The following RFPL4AL1 variants were observed in gnomAD, a reference collection of about 807,000 sequenced individuals.
RFPL4AL1 encodes the protein ret finger protein-like 4A-like protein 1.
RFPL4AL1 carries 2 observed loss-of-function variants against 8.2 expected under a neutral mutation model. The ratio of observed to expected loss-of-function variants is 0.24; its 90% CI spans 0.10 to 0.77. RFPL4AL1 has a LOEUF of 0.77. Among genes scored for constraint, RFPL4AL1 ranks in the 30% least tolerant of loss-of-function variants. RFPL4AL1 has a pLI of 0.72. For missense variants in RFPL4AL1, 57 were observed against 350.3 expected (o/e 0.16, Z 6.68); for synonymous variants, 25 against 131.8 (o/e 0.19, Z 5.55).
Position 55,771,665 on chromosome 19 carries a change from C to G in RFPL4AL1, c.-9-131C>G, listed in dbSNP as rs559910679. 617 of 1,096,188 alleles carry G rather than the reference C, an allele frequency of 5.6e-4. 2 individuals carry two copies. The South Asian group carries it at 8.3e-3, about 15-fold the overall frequency. The allele number at this position is 1,096,188 out of a possible 1,614,324, so 67.9% of individuals were successfully genotyped here. Reference sequence around the variant, plus strand: ...ATTTGTATTCATGTTGTGTCTTCATCACTAGCAGTAGTGATTTAAAGTATG... The same window carrying G: ...ATTTGTATTCATGTTGTGTCTTCATGACTAGCAGTAGTGATTTAAAGTATG... On this transcript the variant is annotated intron_variant, in intron 1 of 2. Coordinates refer to ENST00000341750, the MANE Select transcript of RFPL4AL1 (RefSeq NM_001277397.2).
chr19:55,770,604 G>C (rs1200337923), intron 1 of RFPL4AL1, among the ~76,000 whole-genome samples: 3 of 151,842 alleles, frequency 2.0e-5, no homozygotes, highest in Non-Finnish European at 4.4e-5. Context: ...GCATGCTGGG[G>C]TCAGCCGTGA....
intron 2 of RFPL4AL1, among the ~76,000 whole-genome samples, chr19:55,772,344 A>C (rs1446832568): frequency 7.7e-6 from 1 of 130,290 alleles, no homozygotes; most frequent in African/African-American, 2.6e-5. Flanking sequence ...AATTTTCATC[A>C]AATTATCCAC....
chr19:55,770,172 G>C (rs547356174), intron 1 of RFPL4AL1, among the ~76,000 whole-genome samples: 1 of 151,978 alleles, frequency 6.6e-6, no homozygotes, highest in African/African-American at 2.4e-5. Flanking sequence ...CGTGCACAAG[G>C]GTTCCCCTTT....
chr19:55,769,959 G>A (rs1308148795), intron 1 of RFPL4AL1, among the ~76,000 whole-genome samples: 2 of 151,928 alleles, frequency 1.3e-5, no homozygotes, highest in African/African-American at 2.4e-5. Flanking sequence ...TCTCACAGAC[G>A]CTGGGGTTGT....
rs1156283876 is a variant in RFPL4AL1, at chr19:55,773,059, GC to G, written c.747del (p.Trp250GlyfsTer18). 7.8e-7 allele frequency: 1 copy of G among 1,286,374 alleles called. No individual in the cohort carries two copies. Among genetic ancestry groups the G allele is most frequent in the African/African-American group, 1.6e-5 (1 of 62,110 alleles). The allele number at this position is 1,286,374 out of a possible 1,614,324, so 79.7% of individuals were successfully genotyped here. A position where few individuals can be genotyped will look rare whatever the true frequency, so the allele number is the denominator to read the frequency against. On this transcript the variant is annotated frameshift_variant, in exon 3 of 3. Transcript: ENST00000341750. LOFTEE classifies it low-confidence loss of function (END_TRUNC). Reference sequence around the variant, plus strand: ...CATTCATCGAGATTCCTGTTTGCGAGCCCTGGCGTCCATTTTTTGCTCATAA... The same window carrying G: ...CATTCATCGAGATTCCTGTTTGCGAGCCTGGCGTCCATTTTTTGCTCATAA... ...NTFIEIPVCE[P>X]WRPFFAHKRG...
chr19:55,769,990 A>G (rs1251699246), intron 1 of RFPL4AL1, among the ~76,000 whole-genome samples: 1 of 151,982 alleles, frequency 6.6e-6, no homozygotes, highest in Non-Finnish European at 1.5e-5. Flanking sequence ...GTTGTGAATA[A>G]TGCTGCAGAG....
At chr19:55,769,926 C>T (rs1379914338) in intron 1 of RFPL4AL1, among the ~76,000 whole-genome samples, 2 of 151,870 alleles carry the variant, frequency 1.3e-5, no homozygotes, top group Admixed American at 6.6e-5. Flanking sequence ...ATGTATATAT[C>T]ACCATTTCCT....
Position 55,772,842 on chromosome 19 carries a change from G to T in RFPL4AL1, c.527G>T (p.Gly176Val), listed in dbSNP as rs1428311320. 1 of 1,550,642 alleles carries T rather than the reference G, an allele frequency of 6.4e-7. No homozygotes were observed. Among genetic ancestry groups the T allele is most frequent in the Admixed American group, 2.0e-5 (1 of 50,864 alleles). ...GVCKESVNRQ[G>V]KIELSSEHGF... ...TGCAAGGAATCTGTCAACCGACAGGGGAAGATTGAGCTTTCTTCAGAACAC... is the reference window on the plus strand; with the variant it reads ...TGCAAGGAATCTGTCAACCGACAGGTGAAGATTGAGCTTTCTTCAGAACAC... Residue 176 changes from glycine to valine, a missense_variant, in exon 3 of 3, where the codon GGG becomes GTG. Physicochemically the swap from Gly to Val is moderately radical, Grantham distance 109. Transcript: ENST00000341750.
chr19:55,772,182 A>G, intron 2 of RFPL4AL1, 92 bp downstream of exon 2: 1 of 1,283,602 alleles, frequency 7.8e-7, no homozygotes, highest in Non-Finnish European at 1.1e-6. Flanking sequence ...CATTAGCAGG[A>G]TATCTAGCAT....
Position 55,769,128 on chromosome 19 carries a change from T to C in RFPL4AL1, c.-57T>C, listed in dbSNP as rs1431170696. On this transcript the variant is annotated 5_prime_UTR_variant, in exon 1 of 3. Transcript: ENST00000341750. ...GGCAGCTCTCACTCCAGATCTGAGC[T>C]GTCCGCAGAAGCAGCTGGAGGCCAG... is the stretch of plus-strand genomic sequence containing the variant. 1 of 154,056 alleles carries C rather than the reference T, an allele frequency of 6.5e-6. No homozygotes were observed. The highest frequency in any genetic ancestry group is 2.4e-5 in the African/African-American group (1 of 41,582). 9.5% of individuals were successfully genotyped at this position (154,056 alleles called of 1,614,324 possible).
intron 1 of RFPL4AL1, 108 bp from the exon 2 acceptor site, chr19:55,771,688 A>G (rs201873504): frequency 0.011 from 11,443 of 1,055,532 alleles, 1,215 homozygotes; most frequent in Admixed American, 0.026. Context: ...GATTTAAAGT[A>G]TGGTGCCATG....
chr19:55,772,829 G>T lies in RFPL4AL1; in HGVS notation c.514G>T (p.Val172Phe), dbSNP rs756963237. ...GGATGTGGGCGTGTGCAAGGAATCT[G>T]TCAACCGACAGGGGAAGATTGAGCT... ...VWDVGVCKES[V>F]NRQGKIELSS... The change falls in exon 3 of 3, where the codon GTC becomes TTC. Residue 172 changes from valine to phenylalanine, a missense_variant. Val to Phe is a conservative substitution (Grantham distance 50). Coordinates refer to ENST00000341750, the MANE Select transcript of RFPL4AL1 (RefSeq NM_001277397.2). 9.3e-5 allele frequency: 144 copies of T among 1,549,062 alleles called. No homozygotes were observed. Among genetic ancestry groups the T allele is most frequent in the Non-Finnish European group, 1.2e-4 (136 of 1,145,554 alleles).
intron 1 of RFPL4AL1, among the ~76,000 whole-genome samples, chr19:55,770,781 G>A (rs1422089859): frequency 2.0e-5 from 3 of 151,886 alleles, no homozygotes; most frequent in Admixed American, 1.3e-4. Flanking sequence ...CACTGTTTTG[G>A]TCTCATGTGA....
chr19:55,772,890 G>A lies in RFPL4AL1; in HGVS notation c.575G>A (p.Arg192Lys), dbSNP rs747177088. The A allele has an allele frequency of 5.2e-6, 8 of 1,549,990 alleles. No homozygotes were observed. Among genetic ancestry groups the A allele is most frequent in the Non-Finnish European group, 7.0e-6 (8 of 1,146,494 alleles). ...CACGGCTTCTTGACTGTGGGTTGCA[G>A]AGAAGGAAAGGTCTTTGCTGCCAGC... ...SEHGFLTVGC[R>K]EGKVFAASTV... The change falls in exon 3 of 3, where the codon AGA becomes AAA. Residue 192 changes from arginine (R) to lysine (K), a missense_variant. By Grantham distance (26) the Arg-to-Lys change is conservative. Coordinates refer to ENST00000341750, the MANE Select transcript of RFPL4AL1 (RefSeq NM_001277397.2).
Position 55,770,354 on chromosome 19 carries a change from C to G in RFPL4AL1, c.-10+1179C>G, listed in dbSNP as rs1215974210. Among the ~76,000 whole-genome samples, 4 of 151,868 alleles carry G rather than the reference C, an allele frequency of 2.6e-5. 1 individual carries two copies. The highest frequency in any genetic ancestry group is 2.1e-4 in the South Asian group (1 of 4,828). On this transcript the variant is annotated intron_variant, in intron 1 of 2. Transcript: ENST00000341750. ...CAGGTTCTGGATGCTGTCGGGAGAA[C>G]GAATTCAGGGATGAGCCAGAATGAA...
Position 55,770,694 on chromosome 19 carries a change from C to T in RFPL4AL1, c.-9-1102C>T, listed in dbSNP as rs145434562. ...TGCTTTGAAACAGCTTAACTCCCTC[C>T]GGTTTTTTAGCACCTCATGAGCCCA... On this transcript the variant is annotated intron_variant, in intron 1 of 2. Transcript: ENST00000341750. Among the ~76,000 whole-genome samples the T allele has an allele frequency of 6.8e-3, 1,028 of 150,620 alleles. No homozygotes were observed. The East Asian group carries it at 0.11, about 17-fold the overall frequency.
chr19:55,771,139 G>T (rs1259054873), intron 1 of RFPL4AL1, among the ~76,000 whole-genome samples: 43 of 123,174 alleles, frequency 3.5e-4, no homozygotes, highest in South Asian at 1.4e-3. Flanking sequence ...TACCTGGTAC[G>T]ACTTATTTGT....
chr19:55,769,713 G>T (rs1402389094), intron 1 of RFPL4AL1, among the ~76,000 whole-genome samples: 1 of 151,738 alleles, frequency 6.6e-6, no homozygotes, highest in African/African-American at 2.4e-5. Flanking sequence ...TTTTGAGACA[G>T]GGTCTCGCTC....
rs200252021 is a variant in RFPL4AL1 at position 55,773,221 on chromosome 19, C to G, written c.*42C>G. The G allele has an allele frequency of 0.24, 244,269 of 1,022,842 alleles. 30,939 individuals are homozygous for G. The highest frequency in any genetic ancestry group is 0.48 in the South Asian group (28,063 of 58,728). The allele number at this position is 1,022,842 out of a possible 1,614,324, so 63.4% of individuals were successfully genotyped here. On this transcript the variant is annotated 3_prime_UTR_variant, in exon 3 of 3. Coordinates refer to ENST00000341750, the MANE Select transcript of RFPL4AL1 (RefSeq NM_001277397.2). ...AATCATCTTTAGGAAGTTTCAGTGC[C>G]CCCATAGCCATAGCTAAGAACTTTT... is the stretch of plus-strand genomic sequence containing the variant.
Sources: allele counts gnomAD v4.1 joint callset (sites outside exome capture counted in the v4.1 genomes callset), GRCh38; gene constraint gnomAD v4.1.1; transcripts MANE v1.5; gene names NCBI Gene and HGNC (gene_info 2026-07-23, HGNC 2026-07-21).